Variants in GPC6 observed in about 807,000 individuals in gnomAD.
GPC6 encodes the protein glypican-6.
A neutral mutation model predicts 55.2 loss-of-function variants in GPC6; 14 were observed. The ratio of observed to expected loss-of-function variants is 0.25; its 90% CI spans 0.17 to 0.40. The LOEUF (loss-of-function observed/expected upper bound fraction) is 0.40. GPC6 is among the 10% of genes least tolerant of loss of function. The pLI is 1.00. For missense variants in GPC6, 641 were observed against 708.5 expected, an observed-to-expected ratio of 0.90 and a Z score of 1.08; for synonymous variants, 278 against 259.6, an observed-to-expected ratio of 1.07 and a Z score of -0.68.
At chr13:94,193,241 G>T (rs1019420071) in intron 4 of GPC6, among the ~76,000 whole-genome samples, 2 of 152,082 alleles carry the variant, frequency 1.3e-5, no homozygotes, top group Non-Finnish European at 2.9e-5. Context: ...TCTAATGACC[G>T]GAATGCCACC....
chr13:93,234,893 G>A (rs1210812272), intron 1 of GPC6, among the ~76,000 whole-genome samples: 1 of 152,156 alleles, frequency 6.6e-6, no homozygotes, highest in Non-Finnish European at 1.5e-5. Flanking sequence ...CTGAGAGAAA[G>A]AGATTTCTCA....
At chr13:94,351,962 CAAAAAAA>C (rs60206836) in intron 6 of GPC6, among the ~76,000 whole-genome samples, 51,956 of 101,338 alleles carry the variant, frequency 0.51, 10,006 homozygotes, top group Middle Eastern at 0.68. Flanking sequence ...GAGAAGAAGG[CAAAAAAA>C]AAAAAAAAAA....
chr13:93,848,690 G>A (rs115005993), intron 3 of GPC6, among the ~76,000 whole-genome samples: 17 of 152,134 alleles, frequency 1.1e-4, no homozygotes, highest in African/African-American at 3.9e-4. Flanking sequence ...TCTGAAGTCC[G>A]CAGCCTTGCC....
At chr13:93,402,723 C>A (rs1291214631) in intron 1 of GPC6, among the ~76,000 whole-genome samples, 1 of 152,132 alleles carries the variant, frequency 6.6e-6, no homozygotes, top group Admixed American at 6.6e-5. Flanking sequence ...GAGCCTTTCC[C>A]TCCTGGTCTA....
At chr13:94,400,846 C>CAGGAA in intron 8 of GPC6, among the ~76,000 whole-genome samples, 1 of 152,148 alleles carries the variant, frequency 6.6e-6, no homozygotes, top group African/African-American at 2.4e-5. Context: ...TTTCCTGAGC[C>CAGGAA]CTTCCAGGAA....
At chr13:94,174,423 T>C (rs1343411135) in intron 4 of GPC6, among the ~76,000 whole-genome samples, 1 of 152,026 alleles carries the variant, frequency 6.6e-6, no homozygotes, top group Non-Finnish European at 1.5e-5. Context: ...CAAAGATAAA[T>C]TAATGTAGGC....
intron 3 of GPC6, among the ~76,000 whole-genome samples, chr13:93,959,983 T>C (rs1390878797): frequency 2.0e-5 from 3 of 152,232 alleles, no homozygotes; most frequent in Non-Finnish European, 2.9e-5. Context: ...TCTTATTTTA[T>C]CTAGCCTCAT....
Position 94,286,467 on chromosome 13 carries a change from G to T in GPC6, c.996G>T (p.Gln332His). 6.2e-7 allele frequency: 1 copy of T among 1,613,558 alleles called. No individual in the cohort carries two copies. Among genetic ancestry groups the T allele is most frequent in the Non-Finnish European group, 8.5e-7 (1 of 1,179,602 alleles). The change falls in exon 5 of 9, where the codon CAG (glutamine) becomes CAT (histidine). Residue 332 changes from glutamine to histidine, a missense_variant. Gln to His is a conservative substitution (Grantham distance 24). Coordinates refer to ENST00000377047, the MANE Select transcript of GPC6 (RefSeq NM_005708.5). ...AIMNMQENSM[Q>H]VSAKVFQGCG... is the part of the protein sequence containing the mutation. ...TGAACATGCAAGAAAACAGCATGCA[G>T]GTGTCTGCAAAGGTATTTGCATTAG...
intron 1 of GPC6, among the ~76,000 whole-genome samples, chr13:93,385,642 C>A (rs1234931857): frequency 6.6e-6 from 1 of 152,126 alleles, no homozygotes; most frequent in African/African-American, 2.4e-5. Flanking sequence ...GGAGAACACG[C>A]CTTTCAGTTT....
intron 4 of GPC6, among the ~76,000 whole-genome samples, chr13:94,189,849 G>T (rs897375928): frequency 5.3e-5 from 8 of 151,846 alleles, no homozygotes; most frequent in African/African-American, 1.5e-4. Context: ...GTGAAACGCC[G>T]TCTCTACTAA....
At chr13:94,008,792 C>G (rs1394042939) in intron 3 of GPC6, among the ~76,000 whole-genome samples, 2 of 152,044 alleles carry the variant, frequency 1.3e-5, no homozygotes, top group Non-Finnish European at 2.9e-5. Flanking sequence ...ATTTGCAAGC[C>G]ATTATTATCC....
chr13:93,678,872 T>C (rs1302141928), intron 2 of GPC6, among the ~76,000 whole-genome samples: 1 of 152,144 alleles, frequency 6.6e-6, no homozygotes, highest in Non-Finnish European at 1.5e-5. Context: ...GAACTTCCGC[T>C]CTTCCTTTTG....
chr13:94,080,225 G>A (rs1455354682), intron 4 of GPC6, among the ~76,000 whole-genome samples: 1 of 152,100 alleles, frequency 6.6e-6, no homozygotes, highest in African/African-American at 2.4e-5. Context: ...CTTAGTGTCT[G>A]GAAATTTAAG....
At chr13:94,009,511 G>A (rs1027307397) in intron 3 of GPC6, among the ~76,000 whole-genome samples, 3 of 152,140 alleles carry the variant, frequency 2.0e-5, no homozygotes, top group South Asian at 4.1e-4. Flanking sequence ...TGAGAAGAAC[G>A]TCCTTTTTGT....
chr13:93,882,037 T>C (rs953500485), intron 3 of GPC6, among the ~76,000 whole-genome samples: 25 of 152,028 alleles, frequency 1.6e-4, no homozygotes, highest in Admixed American at 1.1e-3. Context: ...GTATTTTTTT[T>C]CCTTACTTTC....
At chr13:94,169,514 TA>T (rs1349232068) in intron 4 of GPC6, among the ~76,000 whole-genome samples, 5 of 152,000 alleles carry the variant, frequency 3.3e-5, no homozygotes, top group Non-Finnish European at 7.4e-5. Flanking sequence ...TCTGGAAGAT[TA>T]AAAGGACAGT....
At chr13:93,462,947 A>G (rs1409431506) in intron 1 of GPC6, among the ~76,000 whole-genome samples, 1 of 152,162 alleles carries the variant, frequency 6.6e-6, no homozygotes, top group Non-Finnish European at 1.5e-5. Context: ...AGGCTTCAAA[A>G]TACTGCTAAA....
intron 2 of GPC6, among the ~76,000 whole-genome samples, chr13:93,591,159 G>GA (rs869205783): frequency 1.3e-3 from 76 of 58,508 alleles, no homozygotes; most frequent in Non-Finnish European, 2.8e-3. Flanking sequence ...TAAAGCAAAA[G>GA]AAAAAAAAAA....
intron 4 of GPC6, among the ~76,000 whole-genome samples, chr13:94,118,528 A>G (rs1886513341): frequency 6.6e-6 from 1 of 152,012 alleles, no homozygotes; most frequent in Admixed American, 6.6e-5. Context: ...CACTTTTGCC[A>G]ATCCCAAATC....
Sources: allele counts gnomAD v4.1 joint callset (sites outside exome capture counted in the v4.1 genomes callset), GRCh38; gene constraint gnomAD v4.1.1; transcripts MANE v1.5; gene names NCBI Gene and HGNC (gene_info 2026-07-23, HGNC 2026-07-21).